Variants in AGBL4 observed in about 807,000 individuals in gnomAD.
The protein encoded by AGBL4 is AGBL carboxypeptidase 4.
A neutral mutation model predicts 66.4 loss-of-function variants in AGBL4; 58 were observed. The observed-to-expected ratio is 0.87, with a 90% confidence interval of 0.71 to 1.09. The LOEUF is 1.09. AGBL4 is among the 50% of genes least tolerant of loss of function. AGBL4 has a pLI of 0.00. For synonymous variants in AGBL4, 234 were observed against 222.9 expected, an observed-to-expected ratio of 1.05 and a Z score of -0.44; for missense variants, 579 against 631.0, an observed-to-expected ratio of 0.92 and a Z score of 0.88.
intron 6 of AGBL4, among the ~76,000 whole-genome samples, chr1:48,715,380 A>T (rs757542783): frequency 6.6e-6 from 1 of 152,084 alleles, no homozygotes; most frequent in Non-Finnish European, 1.5e-5. Context: ...TCATTCATTC[A>T]TTCATTTCTT....
chr1:49,774,942 T>C (rs1224675005), intron 2 of AGBL4, among the ~76,000 whole-genome samples: 1 of 152,144 alleles, frequency 6.6e-6, no homozygotes, highest in African/African-American at 2.4e-5. Flanking sequence ...TTTAAATATC[T>C]TTTATAATAG....
At chr1:49,178,483 T>C (rs1646871150) in intron 4 of AGBL4, among the ~76,000 whole-genome samples, 1 of 152,198 alleles carries the variant, frequency 6.6e-6, no homozygotes, top group African/African-American at 2.4e-5. Context: ...ATCTTGTACT[T>C]ACCACGCCAT....
chr1:49,305,841 C>T lies in AGBL4; in HGVS notation c.283-59977G>A, dbSNP rs546394994. Among the ~76,000 whole-genome samples, 7 of 152,226 alleles carry T rather than the reference C, an allele frequency of 4.6e-5. No homozygotes were observed. The East Asian group carries it at 1.2e-3, about 25-fold the overall frequency. ...GAGTAGCTGGGATTACAGGCAAGTG[C>T]CACCACGCCCGGCTAATTTTGTATT... On this transcript the variant is annotated intron_variant, in intron 3 of 13. Transcript: ENST00000371839.
chr1:49,957,768 GGGTCTCCTGAATACAGCACACT>G (rs1656747580), intron 1 of AGBL4, among the ~76,000 whole-genome samples: 1 of 151,974 alleles, frequency 6.6e-6, no homozygotes, highest in African/African-American at 2.4e-5. Context: ...CACTTGAGAT[GGGTCTCCTGAATACAGCACACT>G]GATGGATCTT....
At chr1:48,766,243 C>T (rs1041877966) in intron 6 of AGBL4, among the ~76,000 whole-genome samples, 4 of 152,046 alleles carry the variant, frequency 2.6e-5, no homozygotes, top group African/African-American at 9.7e-5. Context: ...AGAAATGAGG[C>T]TCAAAGAAAC....
intron 3 of AGBL4, among the ~76,000 whole-genome samples, chr1:49,501,943 C>T (rs1184187496): frequency 1.3e-5 from 2 of 152,086 alleles, no homozygotes; most frequent in Non-Finnish European, 2.9e-5. Flanking sequence ...TATTGACATC[C>T]AGTTTCATAC....
chr1:48,575,432 T>C (rs1644637315), intron 11 of AGBL4, among the ~76,000 whole-genome samples: 1 of 152,186 alleles, frequency 6.6e-6, no homozygotes, highest in South Asian at 2.1e-4. Flanking sequence ...TGTTCACCTA[T>C]CTCCAACTGA....
chr1:49,485,463 G>T (rs1383431686), intron 3 of AGBL4, among the ~76,000 whole-genome samples: 1 of 123,384 alleles, frequency 8.1e-6, no homozygotes, highest in African/African-American at 3.0e-5. Context: ...GTTGTGGGGT[G>T]GGGGGAGGGG....
chr1:49,932,095 T>G (rs770819977), intron 1 of AGBL4, among the ~76,000 whole-genome samples: 1 of 152,146 alleles, frequency 6.6e-6, no homozygotes, highest in South Asian at 2.1e-4. Flanking sequence ...ATCTAAAACA[T>G]TTCTTTTCCC....
intron 3 of AGBL4, chr1:49,269,155 A>T (rs1643997529): frequency 1.3e-5 from 2 of 152,210 alleles, no homozygotes; most frequent in African/African-American, 2.4e-5. Context: ...ATCTTAGACC[A>T]ACATATAGAC....
chr1:49,729,296 A>ATT (rs1649255368), intron 2 of AGBL4, among the ~76,000 whole-genome samples: 1 of 152,218 alleles, frequency 6.6e-6, no homozygotes, highest in East Asian at 1.9e-4. Context: ...TCGCAGCTGC[A>ATT]TTTCAATCTA....
At chr1:49,127,738 A>C (rs543827068) in intron 4 of AGBL4, among the ~76,000 whole-genome samples, 2 of 152,262 alleles carry the variant, frequency 1.3e-5, no homozygotes, top group East Asian at 3.9e-4. Context: ...ACTCCAAAAA[A>C]GCTAGGCTTC....
chr1:49,595,686 C>A (rs1008646639), intron 3 of AGBL4, among the ~76,000 whole-genome samples: 6 of 151,656 alleles, frequency 4.0e-5, no homozygotes, highest in African/African-American at 1.2e-4. Flanking sequence ...GCTTGAAATG[C>A]AATTATTTCA....
chr1:49,542,811 T>A (rs1240459168), intron 3 of AGBL4, among the ~76,000 whole-genome samples: 1 of 140,542 alleles, frequency 7.1e-6, no homozygotes, highest in Non-Finnish European at 1.5e-5. Context: ...GGCAGGAGAA[T>A]CCTTTGAAAC....
intron 9 of AGBL4, among the ~76,000 whole-genome samples, chr1:48,594,953 C>A (rs906826918): frequency 2.0e-5 from 3 of 152,100 alleles, no homozygotes; most frequent in African/African-American, 7.2e-5. Context: ...CCTATATCCT[C>A]GACTCAACAC....
At chr1:49,635,268 A>T (rs1401186373) in intron 3 of AGBL4, among the ~76,000 whole-genome samples, 1 of 152,222 alleles carries the variant, frequency 6.6e-6, no homozygotes, top group African/African-American at 2.4e-5. Flanking sequence ...AGATATAAAT[A>T]TGAAAGATAA....
In AGBL4 at chr1:48,664,433, C is replaced by T. The variant is rs115837954; in HGVS notation, c.635-1192G>A. 3.6e-3 allele frequency among the ~76,000 whole-genome samples: 545 copies of T among 152,266 alleles called. 1 individual carries two copies. The highest frequency in any genetic ancestry group is 0.012 in the African/African-American group (518 of 41,558). The stretch of plus-strand genomic sequence containing the variant: ...CATCCAAGGAGAATGAGAATTCAGA[C>T]GGGCAATGTCTTAGTGGTAGGGAAA... On this transcript the variant is annotated intron_variant, in intron 6 of 13. Coordinates refer to ENST00000371839, the MANE Select transcript of AGBL4 (RefSeq NM_032785.4).
chr1:49,801,047 T>C (rs1234652290), intron 2 of AGBL4, among the ~76,000 whole-genome samples: 2 of 152,006 alleles, frequency 1.3e-5, no homozygotes, highest in African/African-American at 4.8e-5. Context: ...GACTTTTTAA[T>C]GATTGCCATT....
chr1:49,594,931 T>G (rs932295989), intron 3 of AGBL4, among the ~76,000 whole-genome samples: 2 of 152,168 alleles, frequency 1.3e-5, no homozygotes, highest in Non-Finnish European at 2.9e-5. Flanking sequence ...TTCTAGATCC[T>G]TGAGGAATCA....
Sources: allele counts gnomAD v4.1 joint callset (sites outside exome capture counted in the v4.1 genomes callset), GRCh38; gene constraint gnomAD v4.1.1; transcripts MANE v1.5; gene names NCBI Gene and HGNC (gene_info 2026-07-23, HGNC 2026-07-21).